The following MAP3K19 variants were observed in gnomAD, a reference collection of about 807,000 sequenced individuals.
MAP3K19 encodes the protein SPS1/STE20-related protein kinase YSK4.
Under a neutral mutation model 114.4 loss-of-function variants are expected in MAP3K19, and 91 were observed. That is an observed-to-expected ratio of 0.80 (90% CI 0.67 to 0.95). The LOEUF is 0.95. Ranked by LOEUF, MAP3K19 falls within the 40% of genes least tolerant of loss-of-function variation. MAP3K19 has a pLI of 0.00. For synonymous variants in MAP3K19, 518 were observed against 530.5 expected (o/e 0.98, Z 0.32); for missense variants, 1,471 against 1,573.2 (o/e 0.94, Z 1.10).
At chr2:135,034,976 A>G (rs1218363166) in intron 2 of MAP3K19, among the ~76,000 whole-genome samples, 1 of 152,124 alleles carries the variant, frequency 6.6e-6, no homozygotes, top group African/African-American at 2.4e-5. Context: ...TTATTTGGTT[A>G]TAAAAATAAA....
chr2:135,014,423 C>G (rs1045909967), intron 5 of MAP3K19, among the ~76,000 whole-genome samples: 1 of 152,014 alleles, frequency 6.6e-6, no homozygotes, highest in Non-Finnish European at 1.5e-5. Context: ...CTCCTGGGCT[C>G]AAGTTATCCT....
chr2:135,030,339 A>T lies in MAP3K19; in HGVS notation c.-122T>A, dbSNP rs1688350829. The T allele has an allele frequency of 1.3e-5, 2 of 152,660 alleles. No individual in the cohort carries two copies. The highest frequency in any genetic ancestry group is 2.4e-5 in the African/African-American group (1 of 41,458). 9.5% of individuals were successfully genotyped at this position (152,660 alleles called of 1,614,324 possible). ...GTAAATGTTGAACTTGCTCAAGATC[A>T]CCTTGCCATGAACTTTGTAGAAGTT... On this transcript the variant is annotated 5_prime_UTR_variant, in exon 3 of 13. It removes the in-frame stop codon of an upstream open reading frame in the 5' UTR. Transcript: ENST00000392915.
chr2:135,016,364 G>C (rs1412897116), intron 5 of MAP3K19, among the ~76,000 whole-genome samples: 1 of 152,058 alleles, frequency 6.6e-6, no homozygotes, highest in Non-Finnish European at 1.5e-5. Context: ...TCAGGTAATG[G>C]ATTTATCTAT....
intron 12 of MAP3K19, among the ~76,000 whole-genome samples, chr2:134,968,643 G>A (rs1391706863): frequency 9.6e-4 from 134 of 138,970 alleles, no homozygotes; most frequent in Middle Eastern, 3.8e-3. Context: ...CGGGGCGGCC[G>A]GGCAGAGACG....
chr2:135,039,481 A>T (rs971802646), intron 2 of MAP3K19, among the ~76,000 whole-genome samples: 12 of 151,496 alleles, frequency 7.9e-5, no homozygotes, highest in African/African-American at 2.7e-4. Flanking sequence ...GACTTGGGAG[A>T]CTGAGTTTGG....
intron 1 of MAP3K19, among the ~76,000 whole-genome samples, chr2:135,043,864 C>CT (rs1283411461): frequency 6.6e-6 from 1 of 152,182 alleles, no homozygotes; most frequent in Non-Finnish European, 1.5e-5. Context: ...AAACACAGAT[C>CT]TTGTGATTAG....
intron 5 of MAP3K19, among the ~76,000 whole-genome samples, chr2:135,015,004 T>A (rs1228712168): frequency 6.6e-6 from 1 of 152,232 alleles, no homozygotes; most frequent in Admixed American, 6.5e-5. Context: ...GCTGCTATGA[T>A]CATTATAATA....
At chr2:135,009,020 C>T (rs893811955) in intron 5 of MAP3K19, among the ~76,000 whole-genome samples, 2 of 152,086 alleles carry the variant, frequency 1.3e-5, no homozygotes, top group South Asian at 2.1e-4. Context: ...GGTGCAATCT[C>T]GGCTCACTGC....
intron 1 of MAP3K19, among the ~76,000 whole-genome samples, chr2:135,046,553 G>A (rs1574063646): frequency 6.6e-6 from 1 of 152,140 alleles, no homozygotes; most frequent in African/African-American, 2.4e-5. Context: ...TAGGATTACG[G>A]GCATGAGCCA....
At chr2:134,966,978 G>A (rs569960182) in intron 12 of MAP3K19, among the ~76,000 whole-genome samples, 1 of 152,300 alleles carries the variant, frequency 6.6e-6, no homozygotes, top group Admixed American at 6.5e-5. Context: ...AAAAAGGCCT[G>A]TACTTTCAAC....
At chr2:135,010,049 C>T (rs1262369313) in intron 5 of MAP3K19, among the ~76,000 whole-genome samples, 1 of 151,356 alleles carries the variant, frequency 6.6e-6, no homozygotes, top group East Asian at 2.0e-4. Context: ...GAGGTTGTGA[C>T]CACTCAGTGA....
intron 5 of MAP3K19, among the ~76,000 whole-genome samples, chr2:135,010,622 G>GT (rs998646829): frequency 6.6e-6 from 1 of 152,056 alleles, no homozygotes; most frequent in Non-Finnish European, 1.5e-5. Flanking sequence ...CGTGATTAAA[G>GT]TTTTTTTATT....
chr2:134,978,903 T>G (rs1159567997), intron 12 of MAP3K19, among the ~76,000 whole-genome samples: 1 of 152,158 alleles, frequency 6.6e-6, no homozygotes, highest in East Asian at 1.9e-4. Flanking sequence ...TGCAGCCCCC[T>G]GCTCCTCACT....
intron 12 of MAP3K19, 156 bp downstream of exon 12, chr2:134,980,665 A>G (rs541418483): frequency 2.3e-5 from 15 of 661,824 alleles, no homozygotes; most frequent in Non-Finnish European, 3.4e-5. Flanking sequence ...CAATTACCCA[A>G]TATGACTGAT....
chr2:135,004,145 A>C (rs1276766859), intron 6 of MAP3K19, among the ~76,000 whole-genome samples: 1 of 152,226 alleles, frequency 6.6e-6, no homozygotes, highest in Non-Finnish European at 1.5e-5. Flanking sequence ...CTAACATCCC[A>C]AATGGTGAGT....
Position 134,964,794 on chromosome 2 carries a change from A to T in MAP3K19, c.*56T>A. The T allele has an allele frequency of 7.2e-7, 1 of 1,396,616 alleles. No individual in the cohort carries two copies. Among genetic ancestry groups the T allele is most frequent in the East Asian group, 2.3e-5 (1 of 43,308 alleles). The allele number at this position is 1,396,616 out of a possible 1,614,324, so 86.5% of individuals were successfully genotyped here. A position where few individuals can be genotyped will look rare whatever the true frequency, so the allele number is the denominator to read the frequency against. ...AAAGATCCCTTAGCCATCATTCCCC[A>T]CAATTAAGCAAGGGAGCATCTGCAG... is the stretch of plus-strand genomic sequence containing the variant. On this transcript the variant is annotated 3_prime_UTR_variant, in exon 13 of 13. Transcript: ENST00000392915.
intron 3 of MAP3K19, among the ~76,000 whole-genome samples, chr2:135,025,377 CTTTTTTTT>C (rs754598942): frequency 4.3e-5 from 3 of 69,532 alleles, no homozygotes; most frequent in East Asian, 4.2e-4. Context: ...CTTTTCTTTT[CTTTTTTTT>C]TTTTTTTTTT....
In MAP3K19 at chr2:134,986,517, G is replaced by A; in HGVS notation, c.2355C>T (p.Pro785=). The change falls in exon 10 of 13, where the codon CCC becomes CCT. Residue 785 remains proline (P), a synonymous_variant. Transcript: ENST00000392915. ...EFLSSKDEIH[P]MNLAQTPEQS... is the part of the protein sequence containing the mutation. ...GCTCAGGTGTCTGAGCCAAGTTCAT[G>A]GGATGAATTTCATCTTTGGAAGATA... is the stretch of plus-strand genomic sequence containing the variant. The A allele has an allele frequency of 6.2e-7, 1 of 1,614,106 alleles. No homozygotes were observed. The highest frequency in any genetic ancestry group is 1.6e-4 in the Middle Eastern group (1 of 6,062).
intron 8 of MAP3K19, among the ~76,000 whole-genome samples, chr2:134,993,772 T>C (rs1685780135): frequency 6.6e-6 from 1 of 152,188 alleles, no homozygotes; most frequent in Non-Finnish European, 1.5e-5. Context: ...TGGTAGGTAA[T>C]TTGGTAACAT....
Sources: gnomAD v4.1 joint callset for allele counts (sites outside exome capture counted in the v4.1 genomes callset) on GRCh38, gnomAD v4.1.1 for gene constraint, MANE v1.5 for transcripts, NCBI Gene and HGNC (gene_info 2026-07-23, HGNC 2026-07-21) for gene names.